Variants in AVEN observed in about 807,000 individuals in gnomAD.
The protein encoded by AVEN is apoptosis and caspase activation inhibitor, also known as cell death regulator Aven.
In AVEN, 41 loss-of-function variants were observed where a neutral mutation model predicts 38.1. That is an observed-to-expected ratio of 1.08 (90% confidence interval 0.84 to 1.40). AVEN has a LOEUF of 1.40. Among genes scored for constraint, AVEN ranks in the 40% most tolerant of loss-of-function variants. The pLI, the probability that AVEN is intolerant of heterozygous loss-of-function variation, is 0.00. For synonymous variants in AVEN, 206 were observed against 171.8 expected (o/e 1.20, Z -1.56); for missense variants, 605 against 438.8 (o/e 1.38, Z -3.38).
At chr15:33,935,331 G>C (rs748208990) in intron 2 of AVEN, among the ~76,000 whole-genome samples, 3 of 152,156 alleles carry the variant, frequency 2.0e-5, no homozygotes, top group South Asian at 2.1e-4. Flanking sequence ...ATATACATGT[G>C]TATTCACAAT....
chr15:34,008,954 G>GCA (rs57211791), intron 1 of AVEN, among the ~76,000 whole-genome samples: 1,035 of 103,196 alleles, frequency 0.01, 7 homozygotes, highest in African/African-American at 0.015. Flanking sequence ...GTGCGCGCGC[G>GCA]CACACACACA....
intron 2 of AVEN, among the ~76,000 whole-genome samples, chr15:33,910,421 T>G (rs1330589848): frequency 6.6e-6 from 1 of 152,226 alleles, no homozygotes; most frequent in African/African-American, 2.4e-5. Flanking sequence ...CACAGCATTG[T>G]GCCTGGTGCT....
In AVEN at chr15:34,039,166, G is replaced by T; in HGVS notation, c.-120C>A. The T allele has an allele frequency of 1.1e-6, 1 of 870,760 alleles. No individual in the cohort carries two copies. Among genetic ancestry groups the T allele is most frequent in the Non-Finnish European group, 1.4e-6 (1 of 715,438 alleles). 53.9% of individuals were successfully genotyped at this position (870,760 alleles called of 1,614,324 possible). A position where few individuals can be genotyped will look rare whatever the true frequency, so the allele number is the denominator to read the frequency against. ...GCGAAAGGCGCCCGGTAGCAGCGAG[G>T]CGCGGGGTGCGGGGCTAGGGATCGA... On this transcript the variant is annotated 5_prime_UTR_variant, in exon 1 of 6. Coordinates refer to ENST00000306730, the MANE Select transcript of AVEN (RefSeq NM_020371.3).
chr15:33,973,091 G>C (rs1014461283), intron 2 of AVEN, among the ~76,000 whole-genome samples: 4 of 152,154 alleles, frequency 2.6e-5, no homozygotes, highest in Admixed American at 6.5e-5. Context: ...GAAATTATTA[G>C]TGAAATAACT....
At chr15:33,864,895 C>CTTGT (rs1889935622), downstream of AVEN, 2 of 468,310 alleles carry the variant, frequency 4.3e-6, no homozygotes, top group African/African-American at 1.9e-5. Flanking sequence ...TTCAGTTTTG[C>CTTGT]TTGTTTGGGG....
chr15:33,865,274 A>AAAT (rs778311050), downstream of AVEN: 5 of 1,342,116 alleles, frequency 3.7e-6, no homozygotes, highest in South Asian at 6.1e-5. Context: ...ACTTCCCATG[A>AAAT]AATAAAGTCC....
downstream of AVEN, among the ~76,000 whole-genome samples, chr15:33,857,481 C>G (rs1411519022): frequency 1.3e-5 from 2 of 152,104 alleles, no homozygotes; most frequent in Non-Finnish European, 2.9e-5. Context: ...CAAATACAGT[C>G]ACATTCTGAG....
chr15:33,970,966 G>C (rs1895612639), intron 2 of AVEN, among the ~76,000 whole-genome samples: 1 of 151,766 alleles, frequency 6.6e-6, no homozygotes. Flanking sequence ...TCAAGGCTTT[G>C]CTCTATAATA....
At chr15:34,064,691 CT>C in intron 4 of AVEN, 1 of 233,242 alleles carries the variant, frequency 4.3e-6, no homozygotes, top group Non-Finnish European at 9.1e-6. Context: ...CTGTGGAAAC[CT>C]GTCATAGAAT....
At chr15:33,919,667 G>T (rs561699160) in intron 2 of AVEN, among the ~76,000 whole-genome samples, 1 of 152,262 alleles carries the variant, frequency 6.6e-6, no homozygotes, top group African/African-American at 2.4e-5. Context: ...AGCACAGAGG[G>T]AAAAGAAGAG....
chr15:33,866,312 T>A lies in AVEN; in HGVS notation c.*301A>T. 1 of 385,300 alleles carries A rather than the reference T, an allele frequency of 2.6e-6. No homozygotes were observed. The highest frequency in any genetic ancestry group is 4.7e-6 in the Non-Finnish European group (1 of 214,850). The allele number at this position is 385,300 out of a possible 1,614,324, so 23.9% of individuals were successfully genotyped here. ...TAATCAGCAGCAGCATCTGCTATGC[T>A]GTAAACACTGGCTATGTTGTAAACA... On this transcript the variant is annotated 3_prime_UTR_variant, in exon 6 of 6. Coordinates refer to ENST00000306730, the MANE Select transcript of AVEN (RefSeq NM_020371.3).
At chr15:33,857,407 G>GT (rs2079803661), downstream of AVEN, among the ~76,000 whole-genome samples, 1 of 148,498 alleles carries the variant, frequency 6.7e-6, no homozygotes, top group African/African-American at 2.6e-5. Flanking sequence ...GAGATTGGTT[G>GT]CGGGCCCATC....
chr15:33,980,339 C>T (rs1896079276), intron 2 of AVEN, among the ~76,000 whole-genome samples: 2 of 152,204 alleles, frequency 1.3e-5, no homozygotes, highest in Admixed American at 1.3e-4. Context: ...AATGTCTTAA[C>T]TTGACAAGAC....
chr15:33,864,014 T>A (rs570657870), downstream of AVEN: 1 of 640,640 alleles, frequency 1.6e-6, no homozygotes, highest in East Asian at 2.8e-5. Flanking sequence ...ACTTCCCTGA[T>A]CATTTAAGTC....
At chr15:33,989,153 C>CA (rs574207465) in intron 2 of AVEN, among the ~76,000 whole-genome samples, 2,097 of 141,842 alleles carry the variant, frequency 0.015, 45 homozygotes, top group African/African-American at 0.048. Flanking sequence ...CACAAACACA[C>CA]ACAAAAAAGC....
upstream of AVEN, among the ~76,000 whole-genome samples, chr15:34,043,153 A>G (rs1476871573): frequency 6.6e-6 from 1 of 151,682 alleles, no homozygotes; most frequent in Non-Finnish European, 1.5e-5. Flanking sequence ...AGGCTGAGGC[A>G]GGAGAATGGC....
rs763280962 is a variant in AVEN, at chr15:34,063,360, C to T, written n.1199G>A. ...TTCTGTCATGACCATCCTCTACTGTCGAATCTACCGGGAAACAGAGAAGCG... is the reference window on the plus strand; with the variant it reads ...TTCTGTCATGACCATCCTCTACTGTTGAATCTACCGGGAAACAGAGAAGCG... On this transcript the variant is annotated non_coding_transcript_exon_variant, in exon 5 of 12. Coordinates refer to the AVEN transcript ENST00000675287. This position sits in a 1 kb window ranked among gnomAD's most constrained non-coding sequence, Gnocchi z 4.1. The T allele has an allele frequency of 3.1e-6, 5 of 1,614,098 alleles. No homozygotes were observed. The South Asian group carries it at 3.3e-5, about 11-fold the overall frequency.
chr15:34,053,673 T>A (rs1303292702), intron 5 of AVEN, among the ~76,000 whole-genome samples: 4 of 151,966 alleles, frequency 2.6e-5, no homozygotes, highest in African/African-American at 9.7e-5. Flanking sequence ...TATACAAAAA[T>A]TAACTCAAGA....
At chr15:33,860,523 C>A in intron 11 of AVEN, 1 of 859,334 alleles carries the variant, frequency 1.2e-6, no homozygotes, top group Non-Finnish European at 1.7e-6. Flanking sequence ...AACAAAGTAG[C>A]TTCTTCCTTT....
Sources: allele counts gnomAD v4.1 joint callset (sites outside exome capture counted in the v4.1 genomes callset), GRCh38; gene constraint gnomAD v4.1.1; non-coding constraint Gnocchi (gnomAD v3.1); transcripts MANE v1.5; gene names NCBI Gene and HGNC (gene_info 2026-07-23, HGNC 2026-07-21).